The following MTERF4 variants were observed in gnomAD, a reference collection of about 807,000 sequenced individuals.
The protein encoded by MTERF4 is mitochondrial transcription termination factor 4.
Under a neutral mutation model 22.5 loss-of-function variants are expected in MTERF4, and 17 were observed. That is an observed-to-expected ratio of 0.75 (90% confidence interval 0.52 to 1.13). The LOEUF (loss-of-function observed/expected upper bound fraction) is 1.13, where lower values mean the gene tolerates loss of function less well. Ranked by LOEUF, MTERF4 falls within the 50% of genes most tolerant of loss-of-function variation. MTERF4 has a pLI of 0.00. For synonymous variants in MTERF4, 165 were observed against 175.3 expected (o/e 0.94, Z 0.47); for missense variants, 420 against 466.8 (o/e 0.90, Z 0.92).
chr2:241,053,344 TG>T, the MTERF4 span: 1 of 1,548,896 alleles, frequency 6.5e-7, no homozygotes, highest in African/African-American at 1.4e-5. Flanking sequence ...TGTGGGCCCT[TG>T]GGGTGGGGCA....
chr2:241,073,249 C>T lies in MTERF4; in HGVS notation n.2913G>A, dbSNP rs377339292. The T allele has an allele frequency of 6.3e-5, 98 of 1,546,604 alleles. No individual in the cohort carries two copies. The highest frequency in any genetic ancestry group is 1.3e-4 in the South Asian group (11 of 83,996). The stretch of plus-strand genomic sequence containing the variant: ...CAAAGCAGCTGCGCCGTGTGGTCAC[C>T]GCCTGGCTTCTCCTAGAACCCACAG... On this transcript the variant is annotated non_coding_transcript_exon_variant, in exon 5 of 5. Coordinates refer to the MTERF4 transcript ENST00000464344. The surrounding 1 kb of genome is among the most constrained non-coding windows in gnomAD (Gnocchi z 6.6).
chr2:241,079,657 TAAAAA>T (rs1391182095), intron 4 of MTERF4, among the ~76,000 whole-genome samples: 1 of 151,920 alleles, frequency 6.6e-6, no homozygotes, highest in Admixed American at 6.6e-5. Flanking sequence ...TTAAAAACAA[TAAAAA>T]GAAAAGGCAA....
downstream of MTERF4, chr2:241,088,163 A>C (rs2063680857): frequency 3.5e-6 from 2 of 571,300 alleles, no homozygotes; most frequent in African/African-American, 1.9e-5. Context: ...TGTCATTCCT[A>C]AACTACTGCC....
At chr2:241,063,970 TCC>T in the MTERF4 span, 5 of 1,361,844 alleles carry the variant, frequency 3.7e-6, no homozygotes, top group Non-Finnish European at 4.1e-6. Context: ...TCCCCCAGAC[TCC>T]CCCCTTGCAG....
the MTERF4 span, chr2:241,053,150 C>T: frequency 6.2e-7 from 1 of 1,608,662 alleles, no homozygotes; most frequent in Non-Finnish European, 8.5e-7. Flanking sequence ...CCGTGCCTTG[C>T]AGAGGTGGAC....
downstream of MTERF4, chr2:241,089,160 T>C: frequency 1.3e-6 from 1 of 785,764 alleles, no homozygotes; most frequent in South Asian, 2.0e-5. Flanking sequence ...GAAAGCCATC[T>C]ACAACCTGTT....
downstream of MTERF4, chr2:241,090,435 T>C (rs961273735): frequency 5.8e-6 from 9 of 1,545,992 alleles, no homozygotes; most frequent in South Asian, 9.5e-5. Flanking sequence ...TTTTCATAAG[T>C]AGAAGGAGTA....
At chr2:241,065,639 C>T in the MTERF4 span, 1 of 1,567,214 alleles carries the variant, frequency 6.4e-7, no homozygotes, top group Non-Finnish European at 8.7e-7. Context: ...GCCCCTGCCC[C>T]TCGAGGGCAG....
chr2:241,096,861 A>C lies in MTERF4; in HGVS notation c.705+382T>G, dbSNP rs1445117047. On this transcript the variant is annotated intron_variant, in intron 3 of 3. Transcript: ENST00000391980. This position sits in a 1 kb window ranked among gnomAD's most constrained non-coding sequence, Gnocchi z 5.1. Reference sequence around the variant, plus strand: ...CATTTTCAAAATCAACATGCAAAATAGATTCTAAGGACAGGAAGGTTTCAG... The same window carrying C: ...CATTTTCAAAATCAACATGCAAAATCGATTCTAAGGACAGGAAGGTTTCAG... 3.5e-6 allele frequency: 2 copies of C among 571,510 alleles called. No homozygotes were observed. Among genetic ancestry groups the C allele is most frequent in the East Asian group, 6.1e-5 (2 of 32,746 alleles). 35.4% of individuals were successfully genotyped at this position (571,510 alleles called of 1,614,324 possible).
At chr2:241,054,649 C>G in the MTERF4 span, among the ~76,000 whole-genome samples, 1 of 152,194 alleles carries the variant, frequency 6.6e-6, no homozygotes, top group Non-Finnish European at 1.5e-5. Flanking sequence ...CCATCCAAAA[C>G]AGGATCGATA....
At chr2:241,076,888 G>A (rs1313653641) in intron 4 of MTERF4, among the ~76,000 whole-genome samples, 3 of 152,294 alleles carry the variant, frequency 2.0e-5, no homozygotes, top group African/African-American at 4.8e-5. Context: ...TCAGGAGATC[G>A]AGACCATGGT....
the MTERF4 span, chr2:241,064,214 T>G: frequency 3.4e-6 from 3 of 876,960 alleles, no homozygotes; most frequent in South Asian, 5.1e-5. This position sits in a 1 kb window ranked among gnomAD's most constrained non-coding sequence, Gnocchi z 7.0. Flanking sequence ...GCCCGCCTGC[T>G]CCCCGCCCTC....
chr2:241,063,639 C>T, the MTERF4 span: 4 of 1,612,468 alleles, frequency 2.5e-6, no homozygotes, highest in Non-Finnish European at 3.4e-6. Flanking sequence ...CCTGCAGGAA[C>T]CTCCCAGGGG....
the MTERF4 span, among the ~76,000 whole-genome samples, chr2:241,065,825 G>A: frequency 2.0e-5 from 3 of 152,190 alleles, no homozygotes; most frequent in South Asian, 2.1e-4. Context: ...GCATAGAATC[G>A]AGCCAAGAGT....
At chr2:241,055,954 C>T in the MTERF4 span, among the ~76,000 whole-genome samples, 6 of 152,232 alleles carry the variant, frequency 3.9e-5, no homozygotes, top group South Asian at 2.1e-4. Flanking sequence ...TACTCAGCTT[C>T]GCTACCTAGT....
the MTERF4 span, chr2:241,051,403 G>C: frequency 4.0e-6 from 1 of 247,232 alleles, no homozygotes; most frequent in African/African-American, 2.2e-5. The surrounding 1 kb of genome is among the most constrained non-coding windows in gnomAD (Gnocchi z 4.7). Flanking sequence ...TGTCAGATGG[G>C]GAATGCCCGT....
At position 241,078,407 on chromosome 2, in the gene MTERF4, G is replaced by T. The variant is rs886994350; in HGVS notation, n.480-2725C>A. ...CAAAAAAAAAAAAAAAAGAAAGAAA[G>T]AAAAGAAAGGATAAGCAAAACATGG... On this transcript the variant is annotated intron_variant and non_coding_transcript_variant, in intron 4 of 4. Coordinates refer to the MTERF4 transcript ENST00000464344. Among the ~76,000 whole-genome samples, 26 of 149,746 alleles carry T rather than the reference G, an allele frequency of 1.7e-4. 1 individual carries two copies. Among genetic ancestry groups the T allele is most frequent in the African/African-American group, 6.4e-4 (26 of 40,394 alleles).
downstream of MTERF4, chr2:241,082,243 G>A: frequency 6.4e-7 from 1 of 1,550,768 alleles, no homozygotes; most frequent in East Asian, 2.3e-5. Context: ...GCCGTCAGGA[G>A]CACCTGGTGA....
intron 4 of MTERF4, among the ~76,000 whole-genome samples, chr2:241,077,976 A>G (rs1219403918): frequency 6.6e-6 from 1 of 152,168 alleles, no homozygotes; most frequent in Admixed American, 6.6e-5. Context: ...ACTCCTAGGT[A>G]TATACCCAAG....
Sources: allele counts gnomAD v4.1 joint callset (sites outside exome capture counted in the v4.1 genomes callset), GRCh38; gene constraint gnomAD v4.1.1; non-coding constraint Gnocchi (gnomAD v3.1); transcripts MANE v1.5; gene names NCBI Gene and HGNC (gene_info 2026-07-23, HGNC 2026-07-21).